Variants in MAGI1 observed in about 807,000 individuals in gnomAD.
The protein encoded by MAGI1 is membrane associated guanylate kinase, WW and PDZ domain containing 1, also known as membrane-associated guanylate kinase, WW and PDZ domain-containing protein 1.
MAGI1 carries 58 observed loss-of-function variants against 139.9 expected under a neutral mutation model. That is an observed-to-expected ratio of 0.41 (90% confidence interval 0.34 to 0.52). The LOEUF is 0.52. Among genes scored for constraint, MAGI1 ranks in the 20% least tolerant of loss-of-function variants. The pLI is 0.12. For missense variants in MAGI1, 1,874 were observed against 1,901.6 expected (o/e 0.99, Z 0.27); for synonymous variants, 812 against 737.9 (o/e 1.10, Z -1.63).
Position 65,989,622 on chromosome 3 carries a change from C to T in MAGI1, c.313+48374G>A, listed in dbSNP as rs577046782. Among the ~76,000 whole-genome samples, 58 of 151,364 alleles carry T rather than the reference C, an allele frequency of 3.8e-4. No homozygotes were observed. In the East Asian group the frequency reaches 0.011, roughly 29 times the overall value. ...GCATGATCTCGGCTCACTGCAAACT[C>T]CACCTCCTGGGTTCAAGTGATCCTC... On this transcript the variant is annotated intron_variant, in intron 1 of 22. Transcript: ENST00000402939.
intron 5 of MAGI1, among the ~76,000 whole-genome samples, chr3:65,467,643 T>C (rs779005884): frequency 2.6e-5 from 4 of 152,188 alleles, no homozygotes; most frequent in Non-Finnish European, 4.4e-5. Flanking sequence ...AAGCCAGCCA[T>C]AGTTTAGGAG....
At chr3:66,003,775 A>T (rs542320233) in intron 1 of MAGI1, 1 of 152,208 alleles carries the variant, frequency 6.6e-6, no homozygotes, top group South Asian at 2.1e-4. Context: ...GGCCAGCTTC[A>T]ACTGTTTTTA....
At chr3:65,880,909 G>A (rs548746790) in intron 1 of MAGI1, among the ~76,000 whole-genome samples, 5 of 79,902 alleles carry the variant, frequency 6.3e-5, no homozygotes, top group South Asian at 5.8e-4. Flanking sequence ...TATCTCTGGC[G>A]TGTGTGTGTG....
At chr3:65,805,400 G>A (rs2040789101) in intron 1 of MAGI1, among the ~76,000 whole-genome samples, 3 of 152,140 alleles carry the variant, frequency 2.0e-5, no homozygotes, top group African/African-American at 7.2e-5. Flanking sequence ...ACCATCTTAT[G>A]CCAGTCAGAA....
intron 1 of MAGI1, among the ~76,000 whole-genome samples, chr3:65,969,388 T>C (rs775664263): frequency 6.6e-6 from 1 of 152,224 alleles, no homozygotes; most frequent in Non-Finnish European, 1.5e-5. Flanking sequence ...GTAGAATGTT[T>C]ATCAGCATCC....
At chr3:65,933,320 AC>A (rs1206331505) in intron 1 of MAGI1, among the ~76,000 whole-genome samples, 1 of 152,162 alleles carries the variant, frequency 6.6e-6, no homozygotes, top group Non-Finnish European at 1.5e-5. Flanking sequence ...TCAGGGCTGC[AC>A]TCATCTGAAG....
Position 65,453,245 on chromosome 3 carries a change from C to T in MAGI1, c.1042+13G>A. On this transcript the variant is annotated intron_variant, in intron 6 of 22. Coordinates refer to ENST00000402939, the MANE Select transcript of MAGI1 (RefSeq NM_001033057.2). ...CCCAATTCACTTAACCCAAGACCTG[C>T]CTGGCCCCTTACCATCATCTTCACA... 1 of 1,613,422 alleles carries T rather than the reference C, an allele frequency of 6.2e-7. No homozygotes were observed.
At chr3:65,782,636 A>G (rs1347567154) in intron 1 of MAGI1, among the ~76,000 whole-genome samples, 1 of 149,504 alleles carries the variant, frequency 6.7e-6, no homozygotes, top group East Asian at 1.9e-4. Flanking sequence ...AAAAAAAAAA[A>G]AAAAGTTAGA....
chr3:65,788,432 T>C (rs981809648), intron 1 of MAGI1, among the ~76,000 whole-genome samples: 2 of 152,256 alleles, frequency 1.3e-5, no homozygotes, highest in African/African-American at 4.8e-5. Flanking sequence ...GTGGCTAGTA[T>C]GTACCTACAT....
At chr3:65,766,061 C>T (rs1047475856) in intron 1 of MAGI1, among the ~76,000 whole-genome samples, 1 of 152,150 alleles carries the variant, frequency 6.6e-6, no homozygotes, top group Admixed American at 6.5e-5. Flanking sequence ...CATTTTCCTG[C>T]TTGTTTATTT....
intron 1 of MAGI1, among the ~76,000 whole-genome samples, chr3:65,921,919 G>GACACACACACACAC (rs35532734): frequency 5.5e-4 from 78 of 140,840 alleles, no homozygotes; most frequent in African/African-American, 1.9e-3. Context: ...CCACACACAC[G>GACACACACACACAC]ACACACACAC....
At chr3:65,841,678 G>A (rs767079180) in intron 1 of MAGI1, among the ~76,000 whole-genome samples, 26 of 151,794 alleles carry the variant, frequency 1.7e-4, no homozygotes, top group South Asian at 2.1e-4. Flanking sequence ...CACCTGGCTC[G>A]GCCTCCCAAA....
intron 1 of MAGI1, among the ~76,000 whole-genome samples, chr3:65,866,397 A>T (rs1575762607): frequency 6.6e-6 from 1 of 151,366 alleles, no homozygotes; most frequent in East Asian, 1.9e-4. Flanking sequence ...GGGGAAAAAA[A>T]GCAGTAACAG....
At chr3:65,447,996 A>T (rs1253036850) in intron 7 of MAGI1, 26 bp downstream of exon 7, 1 of 1,606,816 alleles carries the variant, frequency 6.2e-7, no homozygotes, top group Non-Finnish European at 8.5e-7. Flanking sequence ...CGTGTCATGC[A>T]GCAGCAGCAG....
At chr3:65,882,107 G>A (rs2060352721) in intron 1 of MAGI1, among the ~76,000 whole-genome samples, 1 of 152,210 alleles carries the variant, frequency 6.6e-6, no homozygotes, top group South Asian at 2.1e-4. Context: ...TTTTCTTTCT[G>A]TAAATTCATA....
intron 1 of MAGI1, among the ~76,000 whole-genome samples, chr3:65,944,882 G>A (rs975283414): frequency 6.6e-6 from 1 of 152,162 alleles, no homozygotes; most frequent in Admixed American, 6.6e-5. Context: ...TTGTCCGACA[G>A]CATTAAAATA....
intron 1 of MAGI1, among the ~76,000 whole-genome samples, chr3:65,776,409 G>T (rs1318184134): frequency 2.0e-5 from 3 of 151,914 alleles, no homozygotes; most frequent in Non-Finnish European, 4.4e-5. Context: ...AAGCCTCTGA[G>T]TCCCAGGAAA....
At chr3:66,012,407 TC>T (rs2067369994) in intron 1 of MAGI1, among the ~76,000 whole-genome samples, 1 of 151,990 alleles carries the variant, frequency 6.6e-6, no homozygotes, top group South Asian at 2.1e-4. Context: ...TATTAAAAGT[TC>T]CATATCACCA....
intron 2 of MAGI1, among the ~76,000 whole-genome samples, chr3:65,555,103 A>G (rs936973014): frequency 7.2e-5 from 11 of 152,266 alleles, no homozygotes; most frequent in Non-Finnish European, 1.0e-4. Flanking sequence ...AACACGCCAT[A>G]CAATTTTTGT....
Sources: allele counts gnomAD v4.1 joint callset (sites outside exome capture counted in the v4.1 genomes callset), GRCh38; gene constraint gnomAD v4.1.1; transcripts MANE v1.5; gene names NCBI Gene and HGNC (gene_info 2026-07-23, HGNC 2026-07-21).